CDIP1: variants seen among roughly 807,000 people sequenced by gnomAD.
The protein encoded by CDIP1 is cell death-inducing p53-target protein 1.
In CDIP1, 9 loss-of-function variants were observed where a neutral mutation model predicts 17.7. The observed-to-expected ratio is 0.51, with a 90% CI of 0.31 to 0.89. The LOEUF (loss-of-function observed/expected upper bound fraction) is 0.89. Ranked by LOEUF, CDIP1 falls within the 40% of genes least tolerant of loss-of-function variation. The pLI is 0.05. For synonymous variants in CDIP1, 117 were observed against 109.5 expected (o/e 1.07, Z -0.43); for missense variants, 263 against 277.9 (o/e 0.95, Z 0.38).
intron 1 of CDIP1, among the ~76,000 whole-genome samples, chr16:4,519,940 CTT>C (rs890984920): frequency 2.0e-5 from 3 of 152,124 alleles, no homozygotes; most frequent in Non-Finnish European, 4.4e-5. Flanking sequence ...CAAATACTCT[CTT>C]TTCTTTATAA....
Position 4,513,010 on chromosome 16 carries a change from G to A in CDIP1, c.296C>T (p.Pro99Leu). The A allele has an allele frequency of 1.9e-6, 3 of 1,591,588 alleles. No homozygotes were observed. Among genetic ancestry groups the A allele is most frequent in the Non-Finnish European group, 1.7e-6 (2 of 1,170,820 alleles). ...HPPMGYYPPG[P>L]YTPGPYPGPG... ...GCCAGGGTAGGGCCCTGGCGTGTAG[G>A]GCCCTGGGGGGTAGTAGCCCATGGG... The change falls in exon 5 of 6, where the codon CCC (proline) becomes CTC (leucine). Residue 99 changes from proline (P) to leucine (L), a missense_variant. Coordinates refer to ENST00000567695, the MANE Select transcript of CDIP1 (RefSeq NM_013399.3). The surrounding 1 kb of genome is among the most constrained non-coding windows in gnomAD (Gnocchi z 4.1).
At chr16:4,537,204 G>A (rs1441082511) in intron 1 of CDIP1, among the ~76,000 whole-genome samples, 1 of 152,056 alleles carries the variant, frequency 6.6e-6, no homozygotes, top group Non-Finnish European at 1.5e-5. Flanking sequence ...AAAACAAGAG[G>A]GACTGCTGGT....
At chr16:4,531,154 A>G (rs1246278353) in intron 1 of CDIP1, among the ~76,000 whole-genome samples, 2 of 151,892 alleles carry the variant, frequency 1.3e-5, no homozygotes, top group South Asian at 4.2e-4. Flanking sequence ...TCAGCCTCCC[A>G]AGTAGCTGGG....
chr16:4,514,343 T>C lies in CDIP1; in HGVS notation c.-14-199A>G, dbSNP rs1567413038. ...CCATCCTCACCTCTCAGTAGTCACCTGCTCTTCCCTGTTTGGAAGCTGAAG... is the reference window on the plus strand; with the variant it reads ...CCATCCTCACCTCTCAGTAGTCACCCGCTCTTCCCTGTTTGGAAGCTGAAG... On this transcript the variant is annotated intron_variant, in intron 2 of 5. Transcript: ENST00000567695. The surrounding 1 kb of genome is among the most constrained non-coding windows in gnomAD (Gnocchi z 5.2). Among the ~76,000 whole-genome samples the C allele has an allele frequency of 6.6e-6, 1 of 152,304 alleles. No homozygotes were observed. The highest frequency in any genetic ancestry group is 1.9e-4 in the East Asian group (1 of 5,176).
chr16:4,530,770 G>C (rs1299517200), intron 1 of CDIP1, among the ~76,000 whole-genome samples: 1 of 152,080 alleles, frequency 6.6e-6, no homozygotes, highest in Non-Finnish European at 1.5e-5. Flanking sequence ...GAGACCAGGA[G>C]TTCAAAGCTG....
Position 4,513,016 on chromosome 16 carries a change from G to T in CDIP1, c.290C>A (p.Pro97Gln). The T allele has an allele frequency of 6.3e-7, 1 of 1,592,496 alleles. No homozygotes were observed. Among genetic ancestry groups the T allele is most frequent in the Non-Finnish European group, 8.5e-7 (1 of 1,171,152 alleles). ...GPHPPMGYYP[P>Q]GPYTPGPYPG... ...GTAGGGCCCTGGCGTGTAGGGCCCT[G>T]GGGGGTAGTAGCCCATGGGTGGGTG... The change falls in exon 5 of 6, where the codon CCA (proline) becomes CAA (glutamine). Residue 97 changes from proline to glutamine, a missense_variant. Pro to Gln is a moderately conservative substitution (Grantham distance 76). Transcript: ENST00000567695. This position sits in a 1 kb window ranked among gnomAD's most constrained non-coding sequence, Gnocchi z 4.1.
chr16:4,527,483 T>C (rs2059012164), intron 1 of CDIP1, among the ~76,000 whole-genome samples: 1 of 152,228 alleles, frequency 6.6e-6, no homozygotes, highest in Non-Finnish European at 1.5e-5. Context: ...GGAACTATGA[T>C]GATGACAATT....
At chr16:4,531,258 G>A (rs1481266679) in intron 1 of CDIP1, among the ~76,000 whole-genome samples, 1 of 151,868 alleles carries the variant, frequency 6.6e-6, no homozygotes, top group Non-Finnish European at 1.5e-5. Context: ...TCGATCTCCC[G>A]ACCTCGTGAT....
intron 1 of CDIP1, among the ~76,000 whole-genome samples, chr16:4,525,375 C>T (rs1172776477): frequency 1.3e-5 from 2 of 152,150 alleles, no homozygotes; most frequent in South Asian, 2.1e-4. Context: ...AGCATGAGCA[C>T]TGGCTCAAGG....
intron 1 of CDIP1, among the ~76,000 whole-genome samples, chr16:4,536,077 C>G (rs1426318439): frequency 6.6e-6 from 1 of 152,256 alleles, no homozygotes; most frequent in African/African-American, 2.4e-5. Context: ...TCCCTGCCTG[C>G]CACCTTCTCA....
At chr16:4,523,381 G>T (rs1340930432) in intron 1 of CDIP1, among the ~76,000 whole-genome samples, 1 of 152,182 alleles carries the variant, frequency 6.6e-6, no homozygotes, top group South Asian at 2.1e-4. Context: ...GGGCGTGGTG[G>T]CACGTGCCTG....
At chr16:4,531,946 G>T (rs1232213544) in intron 1 of CDIP1, among the ~76,000 whole-genome samples, 1 of 152,240 alleles carries the variant, frequency 6.6e-6, no homozygotes, top group East Asian at 1.9e-4. Context: ...GAGGGAAATG[G>T]GACACAGAAC....
intron 1 of CDIP1, among the ~76,000 whole-genome samples, chr16:4,530,921 C>CT (rs1333902788): frequency 1.3e-5 from 2 of 152,132 alleles, no homozygotes; most frequent in Admixed American, 1.3e-4. Context: ...TCCTGTAACT[C>CT]TAAGTCAACA....
chr16:4,523,645 G>T (rs1398267288), intron 1 of CDIP1, among the ~76,000 whole-genome samples: 2 of 152,164 alleles, frequency 1.3e-5, no homozygotes, highest in African/African-American at 4.8e-5. Flanking sequence ...GTGGTATCGA[G>T]AAAGTCCAGG....
chr16:4,517,012 T>C (rs1337009245), intron 1 of CDIP1, among the ~76,000 whole-genome samples: 8 of 152,178 alleles, frequency 5.3e-5, no homozygotes, highest in South Asian at 4.1e-4. Context: ...ATGGGCATAC[T>C]TGACCAAACC....
At position 4,512,707 on chromosome 16, in the gene CDIP1, A is replaced by T. The variant is rs1469535964; in HGVS notation, c.516-24T>A. The T allele has an allele frequency of 6.2e-7, 1 of 1,609,086 alleles. No homozygotes were observed. The highest frequency in any genetic ancestry group is 1.3e-5 in the African/African-American group (1 of 74,842). ...ATCTGAATCAGAGACAGGGAAGAAC[A>T]GGCTGAGGCCTGCTGCGGAGGAGGC... On this transcript the variant is annotated intron_variant, in intron 5 of 5. Coordinates refer to ENST00000567695, the MANE Select transcript of CDIP1 (RefSeq NM_013399.3). This position sits in a 1 kb window ranked among gnomAD's most constrained non-coding sequence, Gnocchi z 4.6.
chr16:4,512,770 A>C lies in CDIP1; in HGVS notation c.515+21T>G, dbSNP rs1187959631. Reference sequence around the variant, plus strand: ...TTGACCCTGGTGCAGCCCCCACCCTACCAGTGCCCACACCACCTACCCCAT... The same window carrying C: ...TTGACCCTGGTGCAGCCCCCACCCTCCCAGTGCCCACACCACCTACCCCAT... On this transcript the variant is annotated intron_variant, in intron 5 of 5. Transcript: ENST00000567695. The surrounding 1 kb of genome is among the most constrained non-coding windows in gnomAD (Gnocchi z 4.6). 6.3e-7 allele frequency: 1 copy of C among 1,593,010 alleles called. No homozygotes were observed. The highest frequency in any genetic ancestry group is 1.8e-5 in the Admixed American group (1 of 55,880).
intron 1 of CDIP1, among the ~76,000 whole-genome samples, chr16:4,530,672 A>G (rs146300845): frequency 0.011 from 1,718 of 151,890 alleles, 37 homozygotes; most frequent in African/African-American, 0.039. Context: ...AAAAACAAAA[A>G]AAACAGAAAT....
chr16:4,526,627 G>C (rs1172331272), intron 1 of CDIP1, among the ~76,000 whole-genome samples: 1 of 151,618 alleles, frequency 6.6e-6, no homozygotes, highest in Non-Finnish European at 1.5e-5. Flanking sequence ...GCAAACCCGG[G>C]AGGCGGAGCT....
Sources: allele counts gnomAD v4.1 joint callset (sites outside exome capture counted in the v4.1 genomes callset), GRCh38; gene constraint gnomAD v4.1.1; non-coding constraint Gnocchi (gnomAD v3.1); transcripts MANE v1.5; gene names NCBI Gene and HGNC (gene_info 2026-07-23, HGNC 2026-07-21).